Variants in CCNY observed in about 807,000 individuals in gnomAD.
The protein encoded by CCNY is cyclin Y.
A neutral mutation model predicts 42.8 loss-of-function variants in CCNY; 19 were observed. The ratio of observed to expected loss-of-function variants is 0.44; its 90% confidence interval spans 0.31 to 0.65. The LOEUF is 0.65. Ranked by LOEUF, CCNY falls within the 30% of genes least tolerant of loss-of-function variation. The probability of loss-of-function intolerance (pLI) is 0.07; values close to 1 mark genes in which losing one functional copy is unlikely to be tolerated. For missense variants in CCNY, 370 were observed against 437.3 expected, an observed-to-expected ratio of 0.85 and a Z score of 1.37; for synonymous variants, 165 against 162.7, an observed-to-expected ratio of 1.01 and a Z score of -0.11.
In CCNY at chr10:35,450,114, G is replaced by A. The variant is rs536256641; in HGVS notation, c.155-33290G>A. 2.0e-5 allele frequency among the ~76,000 whole-genome samples: 3 copies of A among 152,166 alleles called. No individual in the cohort carries two copies. The South Asian group carries it at 6.2e-4, about 32-fold the overall frequency. Reference sequence around the variant, plus strand: ...GACTACAAGGCTGTGGCTCTGAGTCGGGTAGAGAAGAAAGCAAGGATGTAG... The same window carrying A: ...GACTACAAGGCTGTGGCTCTGAGTCAGGTAGAGAAGAAAGCAAGGATGTAG... On this transcript the variant is annotated intron_variant, in intron 1 of 9. Transcript: ENST00000374704.
intron 5 of CCNY, among the ~76,000 whole-genome samples, chr10:35,526,313 TTTAAAAGTTCAC>T (rs1177551806): frequency 6.6e-6 from 1 of 152,236 alleles, no homozygotes; most frequent in Admixed American, 6.5e-5. Context: ...AAAATGTCAC[TTTAAAAGTTCAC>T]TGGGTGCAAC....
intron 5 of CCNY, among the ~76,000 whole-genome samples, chr10:35,527,815 C>G (rs559202292): frequency 6.6e-6 from 1 of 152,170 alleles, no homozygotes. Flanking sequence ...GCCTTCTCTT[C>G]GCTCTCATAC....
chr10:35,343,034 ACT>A (rs893605104), intron 1 of CCNY, among the ~76,000 whole-genome samples: 1 of 116,652 alleles, frequency 8.6e-6, no homozygotes, highest in Admixed American at 1.0e-4. Flanking sequence ...ACAGGGTTTT[ACT>A]CTCTCGCCCT....
At chr10:35,248,096 C>T (rs2095709501) in intron 1 of CCNY, 1 of 152,262 alleles carries the variant, frequency 6.6e-6, no homozygotes, top group Admixed American at 6.6e-5. Context: ...AAGCAAGGTC[C>T]TTGCTCTTCT....
intron 1 of CCNY, among the ~76,000 whole-genome samples, chr10:35,358,014 C>T (rs940960057): frequency 6.1e-4 from 93 of 152,036 alleles, no homozygotes; most frequent in Middle Eastern, 3.4e-3. Flanking sequence ...TTTGCTATGT[C>T]CTTATCATTC....
rs543769486 is a variant in CCNY, at chr10:35,542,930, C to CT, written c.580-10088dup. Among the ~76,000 whole-genome samples the CT allele has an allele frequency of 6.2e-4, 95 of 152,310 alleles. No homozygotes were observed. The South Asian group carries it at 0.017, about 27-fold the overall frequency. ...TTATCTAAACTTAGTGACAGGGAGT[C>CT]TAAGAGTTGCCATGCCTATGCAAAT... On this transcript the variant is annotated intron_variant, in intron 7 of 9. Transcript: ENST00000374704.
At chr10:35,533,094 C>T (rs1259109810) in intron 7 of CCNY, among the ~76,000 whole-genome samples, 2 of 152,260 alleles carry the variant, frequency 1.3e-5, no homozygotes, top group African/African-American at 2.4e-5. Flanking sequence ...TTTCTTGCTT[C>T]GGATGGGATG....
intron 3 of CCNY, among the ~76,000 whole-genome samples, chr10:35,272,670 T>G (rs893031338): frequency 1.3e-5 from 2 of 152,242 alleles, no homozygotes; most frequent in Non-Finnish European, 2.9e-5. Flanking sequence ...CAGTCTACCA[T>G]TGATGGGCAT....
chr10:35,350,801 C>T (rs535602622), intron 1 of CCNY, among the ~76,000 whole-genome samples: 8 of 152,236 alleles, frequency 5.3e-5, no homozygotes, highest in South Asian at 2.1e-4. Flanking sequence ...GAAATGGCAG[C>T]GTGGGTTTCT....
chr10:35,328,367 G>T (rs1173397527), intron 3 of CCNY, among the ~76,000 whole-genome samples: 1 of 152,180 alleles, frequency 6.6e-6, no homozygotes, highest in East Asian at 1.9e-4. Flanking sequence ...ATGGAGCTGG[G>T]ATATAGGCAG....
chr10:35,356,906 T>C (rs1453532505), intron 1 of CCNY, among the ~76,000 whole-genome samples: 1 of 152,106 alleles, frequency 6.6e-6, no homozygotes, highest in Non-Finnish European at 1.5e-5. Context: ...TACATACTCC[T>C]CCCCGTGGCT....
rs1841686519 is a variant in CCNY at position 35,571,589 on chromosome 10, T to C, written c.*2419T>C. 6.6e-6 allele frequency: 1 copy of C among 152,390 alleles called. No homozygotes were observed. The highest frequency in any genetic ancestry group is 2.4e-5 in the African/African-American group (1 of 41,470). 9.4% of individuals were successfully genotyped at this position (152,390 alleles called of 1,614,324 possible). ...TAGTTTTACTGGCAGGATGAATCACTTGACACATAGGTAGATACTTGAGGT... is the reference window on the plus strand; with the variant it reads ...TAGTTTTACTGGCAGGATGAATCACCTGACACATAGGTAGATACTTGAGGT... On this transcript the variant is annotated 3_prime_UTR_variant, in exon 10 of 10. Coordinates refer to ENST00000374704, the MANE Select transcript of CCNY (RefSeq NM_145012.6).
chr10:35,421,291 G>A (rs914433515), intron 1 of CCNY, among the ~76,000 whole-genome samples: 1 of 152,094 alleles, frequency 6.6e-6, no homozygotes, highest in Non-Finnish European at 1.5e-5. Context: ...TTCCACATGA[G>A]CTCCCGTCTC....
intron 3 of CCNY, among the ~76,000 whole-genome samples, chr10:35,325,909 T>A (rs1423229490): frequency 1.3e-5 from 2 of 151,660 alleles, no homozygotes; most frequent in African/African-American, 4.8e-5. Flanking sequence ...CAAGACGCCA[T>A]CTCTTAAAAA....
At chr10:35,283,157 C>G (rs1199252147) in intron 3 of CCNY, among the ~76,000 whole-genome samples, 1 of 152,086 alleles carries the variant, frequency 6.6e-6, no homozygotes, top group African/African-American at 2.4e-5. Flanking sequence ...GAACATATTT[C>G]TGAATAATTT....
chr10:35,536,987 G>T (rs1423415473), intron 7 of CCNY, among the ~76,000 whole-genome samples: 1 of 152,168 alleles, frequency 6.6e-6, no homozygotes, highest in African/African-American at 2.4e-5. Flanking sequence ...GGTCTTCAGG[G>T]CAACCCCTCC....
At chr10:35,470,441 G>A (rs1426041768) in intron 1 of CCNY, among the ~76,000 whole-genome samples, 1 of 152,178 alleles carries the variant, frequency 6.6e-6, no homozygotes, top group Non-Finnish European at 1.5e-5. Flanking sequence ...ACCCACTTGC[G>A]GAGAGACTGC....
intron 1 of CCNY, among the ~76,000 whole-genome samples, chr10:35,337,731 C>G (rs538100408): frequency 7.7e-6 from 1 of 129,104 alleles, no homozygotes; most frequent in Non-Finnish European, 1.7e-5. Context: ...CCCATTCTAC[C>G]GTTTTTTTTA....
intron 3 of CCNY, among the ~76,000 whole-genome samples, chr10:35,301,913 G>A (rs1365721238): frequency 6.6e-6 from 1 of 152,024 alleles, no homozygotes; most frequent in Non-Finnish European, 1.5e-5. Flanking sequence ...GATTACAGGT[G>A]TGAGTCACCC....
Sources: gnomAD v4.1 joint callset for allele counts (sites outside exome capture counted in the v4.1 genomes callset) on GRCh38, gnomAD v4.1.1 for gene constraint, MANE v1.5 for transcripts, NCBI Gene and HGNC (gene_info 2026-07-23, HGNC 2026-07-21) for gene names.